CYP46A1: variants seen among roughly 807,000 people sequenced by gnomAD.
The protein encoded by CYP46A1 is cholesterol 24-hydroxylase.
CYP46A1 carries 20 observed loss-of-function variants against 63.3 expected under a neutral mutation model. That is an observed-to-expected ratio of 0.32 (90% CI 0.22 to 0.46). CYP46A1 has a LOEUF of 0.46. CYP46A1 is among the 20% of genes least tolerant of loss of function. CYP46A1 has a pLI of 1.00. For missense variants in CYP46A1, 445 were observed against 670.8 expected (o/e 0.66, Z 3.72); for synonymous variants, 268 against 273.6 (o/e 0.98, Z 0.20).
intron 1 of CYP46A1, among the ~76,000 whole-genome samples, chr14:99,685,307 C>T (rs1245945335): frequency 2.2e-4 from 5 of 22,310 alleles, no homozygotes; most frequent in Non-Finnish European, 1.2e-4. Flanking sequence ...CCCAGCCTCC[C>T]CCTCCCCCCG....
chr14:99,686,071 A>G (rs968033756), intron 1 of CYP46A1, among the ~76,000 whole-genome samples: 2 of 152,162 alleles, frequency 1.3e-5, no homozygotes, highest in Admixed American at 1.3e-4. Flanking sequence ...TGTCTCAGTC[A>G]CTGCTGCATC....
At chr14:99,721,845 A>C in intron 11 of CYP46A1, 111 bp from the exon 12 acceptor site, 2 of 762,662 alleles carry the variant, frequency 2.6e-6, no homozygotes, top group East Asian at 2.6e-5. Context: ...GGGTGAGGGT[A>C]TGCACTCAGC....
intron 5 of CYP46A1, among the ~76,000 whole-genome samples, chr14:99,705,156 C>T (rs778165429): frequency 2.0e-5 from 3 of 152,196 alleles, no homozygotes; most frequent in Non-Finnish European, 4.4e-5. Context: ...GCATGTGCGT[C>T]GGCTAGTTGG....
chr14:99,698,453 C>T (rs570739291), intron 3 of CYP46A1, among the ~76,000 whole-genome samples: 7 of 152,282 alleles, frequency 4.6e-5, no homozygotes, highest in East Asian at 3.9e-4. Flanking sequence ...AAACAACACC[C>T]GCAGCCAGGT....
At chr14:99,708,215 C>T (rs1036875171) in intron 7 of CYP46A1, 9 of 230,768 alleles carry the variant, frequency 3.9e-5, no homozygotes, top group Admixed American at 2.2e-4. Context: ...CTGCCACCAG[C>T]GCCTGCCACT....
At chr14:99,723,922 A>G (rs896576256) in intron 12 of CYP46A1, among the ~76,000 whole-genome samples, 8 of 152,214 alleles carry the variant, frequency 5.3e-5, no homozygotes, top group African/African-American at 1.9e-4. Context: ...AAAGTGCCAC[A>G]GACTTTGGCT....
At chr14:99,702,777 C>T (rs1396311726) in intron 5 of CYP46A1, among the ~76,000 whole-genome samples, 2 of 152,060 alleles carry the variant, frequency 1.3e-5, no homozygotes, top group Admixed American at 1.3e-4. Context: ...CCTTTAAATA[C>T]TTCCATGAAC....
At chr14:99,709,205 GAAAAT>G (rs1042351618) in intron 7 of CYP46A1, 26 of 151,996 alleles carry the variant, frequency 1.7e-4, no homozygotes, top group African/African-American at 6.3e-4. Flanking sequence ...AGATTCCAAA[GAAAAT>G]AAAATTTATT....
chr14:99,699,430 T>C (rs756652196), intron 3 of CYP46A1, 36 bp from the exon 4 acceptor site: 3 of 1,586,142 alleles, frequency 1.9e-6, no homozygotes, highest in African/African-American at 1.3e-5. Context: ...TACTCATGGG[T>C]GCATGAGCCT....
rs570769035 is a variant in CYP46A1, at chr14:99,725,466, C to A, written c.1252C>A (p.Pro418Thr). 1 of 1,613,864 alleles carries A rather than the reference C, an allele frequency of 6.2e-7. No individual in the cohort carries two copies. Among genetic ancestry groups the A allele is most frequent in the African/African-American group, 1.3e-5 (1 of 75,048 alleles). ...PLTFNPDRFGPGAPKPRFTYF... is the reference protein window; with the variant it reads ...PLTFNPDRFGTGAPKPRFTYF... ...GACTTTCAACCCCGATCGCTTCGGC[C>A]CTGGAGCACCCAAGTAAGTCCCTCC... is the stretch of plus-strand genomic sequence containing the variant. The change falls in exon 13 of 15, where the codon CCT becomes ACT. Residue 418 changes from proline (P) to threonine (T), a missense_variant. Pro to Thr is a conservative substitution (Grantham distance 38). Coordinates refer to ENST00000261835, the MANE Select transcript of CYP46A1 (RefSeq NM_006668.2). This position sits in a 1 kb window ranked among gnomAD's most constrained non-coding sequence, Gnocchi z 4.2.
At chr14:99,719,761 CTTTTTTTTT>C (rs55891116) in intron 10 of CYP46A1, among the ~76,000 whole-genome samples, 2 of 118,046 alleles carry the variant, frequency 1.7e-5, no homozygotes, top group African/African-American at 6.2e-5. Flanking sequence ...TTTTTCTTTT[CTTTTTTTTT>C]TTTTTTTTTA....
intron 5 of CYP46A1, among the ~76,000 whole-genome samples, chr14:99,705,401 G>A (rs970535198): frequency 1.5e-5 from 2 of 135,440 alleles, no homozygotes; most frequent in African/African-American, 2.5e-5. Flanking sequence ...TTGCAGAGAC[G>A]GAGTCTTGCT....
intron 11 of CYP46A1, among the ~76,000 whole-genome samples, chr14:99,721,745 T>TAGG (rs2056848486): frequency 6.6e-6 from 1 of 152,044 alleles, no homozygotes; most frequent in African/African-American, 2.4e-5. Context: ...CATTGTGGCC[T>TAGG]TGCACACTCC....
intron 10 of CYP46A1, among the ~76,000 whole-genome samples, chr14:99,719,554 T>A (rs1454833624): frequency 6.6e-6 from 1 of 151,868 alleles, no homozygotes; most frequent in Admixed American, 6.6e-5. Flanking sequence ...CTTCCCAAAC[T>A]GAAAATCTGT....
chr14:99,708,830 C>G (rs970772611), intron 7 of CYP46A1: 1 of 152,338 alleles, frequency 6.6e-6, no homozygotes, highest in African/African-American at 2.4e-5. Flanking sequence ...CCATCCTACC[C>G]ACTGTTGCCA....
At chr14:99,698,790 C>A (rs905892908) in intron 3 of CYP46A1, among the ~76,000 whole-genome samples, 1 of 152,204 alleles carries the variant, frequency 6.6e-6, no homozygotes, top group Non-Finnish European at 1.5e-5. Flanking sequence ...AACCACTGGG[C>A]AATCCTGCCT....
rs1024467157 is a variant in CYP46A1, at chr14:99,725,764, C to T, written c.1265+285C>T. On this transcript the variant is annotated intron_variant, in intron 13 of 14. Coordinates refer to ENST00000261835, the MANE Select transcript of CYP46A1 (RefSeq NM_006668.2). This position sits in a 1 kb window ranked among gnomAD's most constrained non-coding sequence, Gnocchi z 4.2. ...CCTCCCCAAGCCTTGAGGTTCCTGT[C>T]TGAGAAATGGGACCATCCGTGGCTG... 7.9e-5 allele frequency among the ~76,000 whole-genome samples: 12 copies of T among 152,190 alleles called. No individual in the cohort carries two copies. Among genetic ancestry groups the T allele is most frequent in the African/African-American group, 2.9e-4 (12 of 41,448 alleles).
chr14:99,706,885 C>T, intron 6 of CYP46A1, 100 bp downstream of exon 6: 1 of 1,389,260 alleles, frequency 7.2e-7, no homozygotes, highest in East Asian at 2.4e-5. Flanking sequence ...CCTCCTGCTC[C>T]TCTAACATAC....
At chr14:99,716,274 A>G in intron 9 of CYP46A1, 75 bp downstream of exon 9, 8 of 1,532,628 alleles carry the variant, frequency 5.2e-6, no homozygotes, top group Non-Finnish European at 7.2e-6. Flanking sequence ...CTCAAACCCA[A>G]CTCTTTGGGA....
Sources: allele counts gnomAD v4.1 joint callset (sites outside exome capture counted in the v4.1 genomes callset), GRCh38; gene constraint gnomAD v4.1.1; non-coding constraint Gnocchi (gnomAD v3.1); transcripts MANE v1.5; gene names NCBI Gene and HGNC (gene_info 2026-07-23, HGNC 2026-07-21).